Variants in PCDHA1 observed in about 807,000 individuals in gnomAD.
The protein encoded by PCDHA1 is protocadherin alpha 1.
Under a neutral mutation model 61.3 loss-of-function variants are expected in PCDHA1, and 42 were observed. The ratio of observed to expected loss-of-function variants is 0.69; its 90% confidence interval spans 0.54 to 0.89. The LOEUF (loss-of-function observed/expected upper bound fraction) is 0.89, where lower values mean the gene tolerates loss of function less well. PCDHA1 is among the 40% of genes least tolerant of loss of function. The pLI is 0.00. For missense variants in PCDHA1, 1,256 were observed against 1,235.3 expected (o/e 1.02, Z -0.25); for synonymous variants, 610 against 553.8 (o/e 1.10, Z -1.43).
chr5:140,848,968 C>G (rs2150427139), intron 1 of PCDHA1: 1 of 1,605,306 alleles, frequency 6.2e-7, no homozygotes, highest in East Asian at 2.2e-5. Flanking sequence ...GAGGGCGCGT[C>G]CGATGCAGAT....
chr5:140,955,216 C>T (rs2095153192), intron 1 of PCDHA1, among the ~76,000 whole-genome samples: 2 of 152,122 alleles, frequency 1.3e-5, no homozygotes, highest in East Asian at 3.9e-4. Flanking sequence ...AGCATGATGC[C>T]TCCAGCTTTG....
At chr5:140,882,070 C>A in intron 1 of PCDHA1, 1 of 854,286 alleles carries the variant, frequency 1.2e-6, no homozygotes, top group Non-Finnish European at 1.8e-6. Context: ...CGTTCATGCG[C>A]ATGGTGTCGC....
At chr5:140,867,360 T>C (rs1172405251) in intron 1 of PCDHA1, 1 of 152,152 alleles carries the variant, frequency 6.6e-6, no homozygotes, top group Non-Finnish European at 1.5e-5. Flanking sequence ...TTGATTATTT[T>C]ACAGATGCGT....
At chr5:140,871,415 T>C in intron 1 of PCDHA1, 1 of 1,613,926 alleles carries the variant, frequency 6.2e-7, no homozygotes, top group Non-Finnish European at 8.5e-7. Context: ...CTCATGGCCT[T>C]CAGCCCCAGT....
chr5:140,928,795 G>T, intron 1 of PCDHA1: 1 of 1,614,152 alleles, frequency 6.2e-7, no homozygotes, highest in South Asian at 1.1e-5. Flanking sequence ...GCAGAGGGTG[G>T]TGGTAGTGGT....
At chr5:140,850,264 T>A in intron 1 of PCDHA1, 1 of 1,594,136 alleles carries the variant, frequency 6.3e-7, no homozygotes, top group Non-Finnish European at 8.6e-7. Flanking sequence ...GCCGGCGTAG[T>A]GGTGGGGAAG....
At position 141,012,179 on chromosome 5, in the gene PCDHA1, T is replaced by C. The variant is rs2098423152; in HGVS notation, c.*2242T>C. ...GGGCTAATTTATTAATGATGATAAT[T>C]ATAATGTATCTGTACAGCACTTTTT... is the stretch of plus-strand genomic sequence containing the variant. On this transcript the variant is annotated 3_prime_UTR_variant, in exon 4 of 4. Coordinates refer to ENST00000504120, the MANE Select transcript of PCDHA1 (RefSeq NM_018900.4). 1 of 153,764 alleles carries C rather than the reference T, an allele frequency of 6.5e-6. No individual in the cohort carries two copies. Among genetic ancestry groups the C allele is most frequent in the South Asian group, 2.1e-4 (1 of 4,828 alleles). 9.5% of individuals were successfully genotyped at this position (153,764 alleles called of 1,614,324 possible). A position where few individuals can be genotyped will look rare whatever the true frequency, so the allele number is the denominator to read the frequency against.
intron 1 of PCDHA1, among the ~76,000 whole-genome samples, chr5:140,916,791 G>A (rs1159820496): frequency 6.6e-6 from 1 of 152,128 alleles, no homozygotes; most frequent in Admixed American, 6.5e-5. Flanking sequence ...AGCTGCCCCA[G>A]CTGATGACTT....
chr5:140,952,608 C>T (rs2153696668), intron 1 of PCDHA1, among the ~76,000 whole-genome samples: 1 of 152,282 alleles, frequency 6.6e-6, no homozygotes, highest in Non-Finnish European at 1.5e-5. Flanking sequence ...TCTAAGCTCT[C>T]CCTCATCTTC....
At chr5:140,801,960 G>T in intron 1 of PCDHA1, 2 of 1,614,196 alleles carry the variant, frequency 1.2e-6, no homozygotes, top group Non-Finnish European at 1.7e-6. Flanking sequence ...ACTCGAAAAT[G>T]CACCAAATGG....
chr5:140,927,848 G>T (rs1295513512), intron 1 of PCDHA1: 2 of 1,614,180 alleles, frequency 1.2e-6, no homozygotes, highest in Middle Eastern at 3.3e-4. Context: ...GGTGTCTTTG[G>T]TTTAGCTAGC....
chr5:140,808,930 GC>G, intron 1 of PCDHA1: 1 of 1,613,744 alleles, frequency 6.2e-7, no homozygotes, highest in Non-Finnish European at 8.5e-7. Context: ...GCGAGCTGGT[GC>G]CATGGTCGGT....
chr5:140,928,152 T>G, intron 1 of PCDHA1: 1 of 1,614,200 alleles, frequency 6.2e-7, no homozygotes, highest in East Asian at 2.2e-5. Context: ...CCTCAGATAG[T>G]GGCTCACCCC....
chr5:140,886,917 T>C (rs893093876), intron 1 of PCDHA1, among the ~76,000 whole-genome samples: 12 of 152,044 alleles, frequency 7.9e-5, no homozygotes, highest in Non-Finnish European at 1.8e-4. Flanking sequence ...TTATTGAGTG[T>C]TCTCTATGTG....
chr5:140,847,219 G>A (rs2150398133), intron 1 of PCDHA1, among the ~76,000 whole-genome samples: 4 of 149,610 alleles, frequency 2.7e-5, no homozygotes, highest in African/African-American at 9.8e-5. Context: ...GAATTAATTG[G>A]GAGCTATTTA....
intron 1 of PCDHA1, among the ~76,000 whole-genome samples, chr5:140,831,489 T>G (rs201504089): frequency 3.9e-4 from 58 of 148,714 alleles, no homozygotes; most frequent in African/African-American, 1.2e-3. Context: ...CCTCTGGAGT[T>G]ACTACACACG....
chr5:140,805,386 G>C, intron 1 of PCDHA1: 1 of 1,098,296 alleles, frequency 9.1e-7, no homozygotes, highest in Non-Finnish European at 1.1e-6. Flanking sequence ...AAGTACTCTG[G>C]TTTCTGTTTG....
intron 1 of PCDHA1, chr5:140,815,254 C>A (rs1765683212): frequency 2.0e-5 from 3 of 152,030 alleles, no homozygotes. Context: ...AGCTTGTAGA[C>A]TTTTTGCTCC....
chr5:140,884,020 G>C (rs61734917), intron 1 of PCDHA1: 236 of 1,613,292 alleles, frequency 1.5e-4, no homozygotes, highest in Non-Finnish European at 1.9e-4. Flanking sequence ...TGCCGCGGTC[G>C]GTGGGTGCAG....
Sources: gnomAD v4.1 joint callset for allele counts (sites outside exome capture counted in the v4.1 genomes callset) on GRCh38, gnomAD v4.1.1 for gene constraint, MANE v1.5 for transcripts, NCBI Gene and HGNC (gene_info 2026-07-23, HGNC 2026-07-21) for gene names.